Variants in C4orf36 observed in about 807,000 individuals in gnomAD.
C4orf36 encodes chromosome 4 open reading frame 36.
In C4orf36, 11 loss-of-function variants were observed where a neutral mutation model predicts 12.2. That is an observed-to-expected ratio of 0.90 (90% CI 0.57 to 1.49). The LOEUF (loss-of-function observed/expected upper bound fraction) is 1.49. Among genes scored for constraint, C4orf36 ranks in the 40% most tolerant of loss-of-function variants. C4orf36 has a pLI of 0.00. For synonymous variants in C4orf36, 54 were observed against 51.3 expected, an observed-to-expected ratio of 1.05 and a Z score of -0.22; for missense variants, 137 against 133.9, an observed-to-expected ratio of 1.02 and a Z score of -0.11.
chr4:86,932,773 TG>T, the C4orf36 span, among the ~76,000 whole-genome samples: 5 of 12,184 alleles, frequency 4.1e-4, no homozygotes, highest in Admixed American at 2.0e-3. Flanking sequence ...TTTGGGGGGG[TG>T]GGGGGGTTCT....
intron 4 of C4orf36, among the ~76,000 whole-genome samples, chr4:86,884,943 C>G (rs916890008): frequency 6.6e-6 from 1 of 152,172 alleles, no homozygotes; most frequent in South Asian, 2.1e-4. Context: ...TTCCCAGCAC[C>G]ATTTGTTAAA....
the C4orf36 span, chr4:86,935,228 AAGG>A: frequency 6.6e-6 from 1 of 152,248 alleles, no homozygotes. Flanking sequence ...TAGAGGACGG[AAGG>A]GTCTGGAAGG....
In C4orf36 at chr4:86,876,353, G is replaced by A. The variant is rs533160241; in HGVS notation, c.*93C>T. 32 of 1,566,938 alleles carry A rather than the reference G, an allele frequency of 2.0e-5. No homozygotes were observed. In the East Asian group the frequency reaches 4.8e-4, roughly 24 times the overall value. ...GCCAGGATGGCTGCAGCGCAGCGAC[G>A]GCCGGGGCCGGGAGCGGGTCCTGGG... On this transcript the variant is annotated 3_prime_UTR_variant, in exon 5 of 5. Transcript: ENST00000295898.
the C4orf36 span, among the ~76,000 whole-genome samples, chr4:86,924,084 A>G: frequency 3.3e-5 from 5 of 152,224 alleles, no homozygotes; most frequent in African/African-American, 1.2e-4. Context: ...TCTGTTGCCT[A>G]GGTTGGAGTG....
the C4orf36 span, among the ~76,000 whole-genome samples, chr4:86,909,290 GTCAAAA>G: frequency 6.6e-6 from 1 of 152,196 alleles, no homozygotes; most frequent in Non-Finnish European, 1.5e-5. Context: ...GGCTGAAGGT[GTCAAAA>G]TCAAAGTAAA....
intron 4 of C4orf36, among the ~76,000 whole-genome samples, chr4:86,883,922 G>A (rs993292303): frequency 1.2e-4 from 18 of 151,916 alleles, no homozygotes; most frequent in Admixed American, 1.3e-4. Context: ...CCAGCCACTC[G>A]TGTTACTGAA....
chr4:86,914,365 C>T, the C4orf36 span: 1 of 1,179,410 alleles, frequency 8.5e-7, no homozygotes, highest in Non-Finnish European at 1.2e-6. Flanking sequence ...TGAGCTTTCA[C>T]CCCCCGGCTC....
the C4orf36 span, among the ~76,000 whole-genome samples, chr4:86,908,179 A>G: frequency 3.4e-5 from 1 of 29,740 alleles, no homozygotes; most frequent in Admixed American, 4.1e-4. Context: ...ACACACACAC[A>G]CACACACACA....
the C4orf36 span, among the ~76,000 whole-genome samples, chr4:86,899,916 T>C: frequency 2.0e-5 from 3 of 152,102 alleles, no homozygotes; most frequent in African/African-American, 7.2e-5. Flanking sequence ...AAAGTGTGAG[T>C]CTTTAAAAGA....
chr4:86,914,180 C>T, the C4orf36 span: 1 of 1,591,652 alleles, frequency 6.3e-7, no homozygotes, highest in Non-Finnish European at 8.6e-7. Flanking sequence ...CTAGTGGGGA[C>T]TACTTCACAA....
chr4:86,913,279 G>T, the C4orf36 span: 5 of 637,394 alleles, frequency 7.8e-6, no homozygotes, highest in East Asian at 1.9e-4. Context: ...CTGGATGGAA[G>T]ACTCGAGAGT....
At chr4:86,915,835 A>G in the C4orf36 span, among the ~76,000 whole-genome samples, 1 of 152,182 alleles carries the variant, frequency 6.6e-6, no homozygotes, top group Non-Finnish European at 1.5e-5. Context: ...GGACTCAGAT[A>G]TACAAGGAAA....
At chr4:86,899,593 G>A in the C4orf36 span, among the ~76,000 whole-genome samples, 2 of 152,296 alleles carry the variant, frequency 1.3e-5, no homozygotes, top group South Asian at 4.1e-4. Flanking sequence ...AGAGGCAGTG[G>A]TGGACAGATT....
intron 2 of C4orf36, among the ~76,000 whole-genome samples, chr4:86,891,003 C>T (rs1187725211): frequency 1.3e-5 from 2 of 148,208 alleles, no homozygotes; most frequent in Non-Finnish European, 2.9e-5. Flanking sequence ...CCAAAGTATA[C>T]AGGATATAAA....
chr4:86,903,407 A>C, the C4orf36 span, among the ~76,000 whole-genome samples: 1 of 152,194 alleles, frequency 6.6e-6, no homozygotes, highest in East Asian at 1.9e-4. Context: ...GTGTCCCCGT[A>C]ATCAGTCGGT....
intron 4 of C4orf36, among the ~76,000 whole-genome samples, chr4:86,885,914 GT>G (rs1747167172): frequency 6.6e-6 from 1 of 152,206 alleles, no homozygotes; most frequent in Non-Finnish European, 1.5e-5. Flanking sequence ...GTGAAGGGCT[GT>G]TGAATTTTGT....
At chr4:86,933,894 G>A in the C4orf36 span, among the ~76,000 whole-genome samples, 21 of 152,182 alleles carry the variant, frequency 1.4e-4, no homozygotes, top group African/African-American at 4.8e-4. Flanking sequence ...ATATGGAGTA[G>A]GGCGAAGAGT....
intron 4 of C4orf36, among the ~76,000 whole-genome samples, chr4:86,876,807 A>C (rs1746939460): frequency 6.6e-6 from 1 of 152,230 alleles, no homozygotes; most frequent in South Asian, 2.1e-4. Context: ...AGATTTTCTC[A>C]TGGATATACA....
At chr4:86,931,927 C>G in the C4orf36 span, among the ~76,000 whole-genome samples, 1 of 151,032 alleles carries the variant, frequency 6.6e-6, no homozygotes, top group Non-Finnish European at 1.5e-5. Flanking sequence ...CCCAGCTACT[C>G]AGGAGGCTGA....
Sources: gnomAD v4.1 joint callset for allele counts (sites outside exome capture counted in the v4.1 genomes callset) on GRCh38, gnomAD v4.1.1 for gene constraint, MANE v1.5 for transcripts, NCBI Gene and HGNC (gene_info 2026-07-23, HGNC 2026-07-21) for gene names.